MYL10: variants seen among roughly 807,000 people sequenced by gnomAD.
MYL10 encodes the protein myosin light chain 10, also known as myosin regulatory light chain 10.
MYL10 carries 18 observed loss-of-function variants against 21.9 expected under a neutral mutation model. The observed-to-expected ratio is 0.82, with a 90% confidence interval of 0.57 to 1.22. The LOEUF (loss-of-function observed/expected upper bound fraction) is 1.22, where lower values mean the gene tolerates loss of function less well. Among genes scored for constraint, MYL10 ranks in the 50% most tolerant of loss-of-function variants. MYL10 has a pLI of 0.00. For missense variants in MYL10, 225 were observed against 230.4 expected, an observed-to-expected ratio of 0.98 and a Z score of 0.15; for synonymous variants, 88 against 82.8, an observed-to-expected ratio of 1.06 and a Z score of -0.34.
At position 101,624,313 on chromosome 7, in the gene MYL10, A is replaced by G. The variant is rs754047804; in HGVS notation, c.79-49T>C. On this transcript the variant is annotated intron_variant, in intron 1 of 7. Coordinates refer to ENST00000223167, the MANE Select transcript of MYL10 (RefSeq NM_138403.5). The stretch of plus-strand genomic sequence containing the variant: ...TGCAGCGGCCCCTGCCTCGAGGGTC[A>G]GCCCCCACCCCCTGTCTCACCTCCC... 12 of 1,426,294 alleles carry G rather than the reference A, an allele frequency of 8.4e-6. 1 individual carries two copies. Among genetic ancestry groups the G allele is most frequent in the East Asian group, 2.3e-5 (1 of 43,834 alleles). The allele number at this position is 1,426,294 out of a possible 1,614,324, so 88.4% of individuals were successfully genotyped here.
At chr7:101,619,392 C>T (rs534955472) in intron 5 of MYL10, among the ~76,000 whole-genome samples, 12 of 152,352 alleles carry the variant, frequency 7.9e-5, no homozygotes, top group African/African-American at 2.4e-4. Flanking sequence ...CTGCCCTCCC[C>T]AGCCCTGGGT....
In MYL10 at chr7:101,616,253, T is replaced by G; in HGVS notation, c.500A>C (p.Asp167Ala). 1 of 1,614,130 alleles carries G rather than the reference T, an allele frequency of 6.2e-7. No homozygotes were observed. The highest frequency in any genetic ancestry group is 8.5e-7 in the Non-Finnish European group (1 of 1,180,014). ...ETILHAFKVF[D>A]TEGKGFVKAD... ...CTTGACGAAACCTTTCCCTTCAGTG[T>G]CGAACACTTTGAAGGCGTGGAGAAT... The change falls in exon 6 of 8, where the codon GAC becomes GCC. Residue 167 changes from aspartate (D) to alanine (A), a missense_variant. Coordinates refer to ENST00000223167, the MANE Select transcript of MYL10 (RefSeq NM_138403.5).
intron 6 of MYL10, among the ~76,000 whole-genome samples, chr7:101,614,922 G>GC (rs1191321959): frequency 6.6e-6 from 1 of 152,134 alleles, no homozygotes. Flanking sequence ...AATCTCACCT[G>GC]CCCCAGGCCA....
At chr7:101,619,590 A>G (rs888133848) in intron 5 of MYL10, among the ~76,000 whole-genome samples, 12 of 152,114 alleles carry the variant, frequency 7.9e-5, no homozygotes, top group Admixed American at 6.5e-4. Context: ...TGGCCCCTAA[A>G]AAGAGACGTC....
intron 5 of MYL10, among the ~76,000 whole-genome samples, chr7:101,621,349 C>G (rs551855761): frequency 3.9e-5 from 6 of 152,036 alleles, no homozygotes; most frequent in Non-Finnish European, 8.8e-5. Context: ...TGAGGCTCCC[C>G]GATCCTTCCT....
intron 4 of MYL10, 41 bp from the exon 5 acceptor site, chr7:101,622,241 A>G (rs745556574): frequency 3.8e-5 from 57 of 1,500,670 alleles, no homozygotes; most frequent in Non-Finnish European, 5.2e-5. Flanking sequence ...GATAAGAGAG[A>G]TCAGAGCTTG....
At chr7:101,621,074 C>T (rs1796672019) in intron 5 of MYL10, among the ~76,000 whole-genome samples, 1 of 152,064 alleles carries the variant, frequency 6.6e-6, no homozygotes, top group Non-Finnish European at 1.5e-5. Flanking sequence ...CAGGCATGAG[C>T]CACCGTGCCC....
At chr7:101,621,767 G>A (rs1388517598) in intron 5 of MYL10, among the ~76,000 whole-genome samples, 1 of 152,064 alleles carries the variant, frequency 6.6e-6, no homozygotes, top group African/African-American at 2.4e-5. Context: ...TTTTGTATTA[G>A]TAGAGATGAA....
chr7:101,618,874 G>A (rs903680106), intron 5 of MYL10, among the ~76,000 whole-genome samples: 3 of 152,184 alleles, frequency 2.0e-5, no homozygotes, highest in African/African-American at 7.2e-5. Context: ...ACCATGGACC[G>A]ACACGAGCTT....
intron 5 of MYL10, 44 bp downstream of exon 5, chr7:101,622,052 G>A (rs1467790254): frequency 2.0e-6 from 3 of 1,468,940 alleles, no homozygotes; most frequent in South Asian, 2.3e-5. Context: ...CCGTCCCCCT[G>A]CCATTCCCTG....
chr7:101,625,626 G>A lies in MYL10; in HGVS notation c.79-1362C>T, dbSNP rs1562826995. On this transcript the variant is annotated intron_variant, in intron 1 of 7. Transcript: ENST00000223167. ...CGTCGAGGGCAGGGGCAGAAGCGCC[G>A]GCTGACTTATAATTAGCTTTTACTG... Among the ~76,000 whole-genome samples the A allele has an allele frequency of 5.3e-5, 8 of 152,030 alleles. No homozygotes were observed. In the South Asian group the frequency reaches 1.0e-3, roughly 20 times the overall value.
intron 6 of MYL10, among the ~76,000 whole-genome samples, chr7:101,615,598 C>CA (rs915748493): frequency 1.4e-5 from 2 of 147,084 alleles, no homozygotes; most frequent in African/African-American, 2.5e-5. Context: ...ATGCTGTTCC[C>CA]CCCCTAGCCT....
At chr7:101,617,587 C>T (rs1796622990) in intron 5 of MYL10, among the ~76,000 whole-genome samples, 1 of 152,240 alleles carries the variant, frequency 6.6e-6, no homozygotes, top group Admixed American at 6.5e-5. Context: ...AGGTCAGGGC[C>T]ATTTGTTCCT....
intron 1 of MYL10, among the ~76,000 whole-genome samples, chr7:101,625,179 G>C (rs535296441): frequency 4.6e-5 from 7 of 152,282 alleles, no homozygotes; most frequent in African/African-American, 1.7e-4. Context: ...GGCCACCCAC[G>C]TTGAGTAGTC....
rs770278298 is a variant in MYL10, at chr7:101,622,191, T to C, written c.359A>G (p.Asn120Ser). The part of the protein sequence containing the change: ...RDTFAALGRI[N>S]VKNEELEAMV... ...GGCCTCCAGTTCCTCGTTCTTGACA[T>C]TGATGCGGCCTGTGGGAGGTGAGAG... The change falls in exon 5 of 8, where the codon AAT (asparagine) becomes AGT (serine). Residue 120 changes from asparagine (N) to serine (S), a missense_variant. By Grantham distance (46) the Asn-to-Ser change is conservative (BLOSUM62 1). Coordinates refer to ENST00000223167, the MANE Select transcript of MYL10 (RefSeq NM_138403.5). 2 of 1,612,534 alleles carry C rather than the reference T, an allele frequency of 1.2e-6. No homozygotes were observed. Among genetic ancestry groups the C allele is most frequent in the African/African-American group, 1.3e-5 (1 of 74,952 alleles).
chr7:101,617,024 A>G (rs1239333791), intron 5 of MYL10, among the ~76,000 whole-genome samples: 2 of 152,208 alleles, frequency 1.3e-5, no homozygotes, highest in Non-Finnish European at 2.9e-5. Flanking sequence ...ACCAATGGGA[A>G]ACTGAAGCCC....
chr7:101,615,602 C>CT (rs1288688475), intron 6 of MYL10, among the ~76,000 whole-genome samples: 1 of 147,250 alleles, frequency 6.8e-6, no homozygotes, highest in Non-Finnish European at 1.5e-5. Flanking sequence ...TGTTCCCCCC[C>CT]TAGCCTGGGC....
At chr7:101,617,170 C>T (rs1173623009) in intron 5 of MYL10, among the ~76,000 whole-genome samples, 4 of 152,236 alleles carry the variant, frequency 2.6e-5, no homozygotes, top group Non-Finnish European at 5.9e-5. Context: ...GGGGTGCCCC[C>T]TTCCTTTCTT....
At chr7:101,624,792 C>T (rs1796725679) in intron 1 of MYL10, among the ~76,000 whole-genome samples, 1 of 152,122 alleles carries the variant, frequency 6.6e-6, no homozygotes, top group South Asian at 2.1e-4. Flanking sequence ...TTTGCCCCTG[C>T]CTGGAATGCG....
Sources: allele counts gnomAD v4.1 joint callset (sites outside exome capture counted in the v4.1 genomes callset), GRCh38; gene constraint gnomAD v4.1.1; transcripts MANE v1.5; gene names NCBI Gene and HGNC (gene_info 2026-07-23, HGNC 2026-07-21).